IL17B: variants seen among roughly 807,000 people sequenced by gnomAD.
IL17B encodes the protein interleukin-17B.
A neutral mutation model predicts 14.7 loss-of-function variants in IL17B; 14 were observed. That is an observed-to-expected ratio of 0.95 (90% CI 0.63 to 1.49). The LOEUF is 1.49. Ranked by LOEUF, IL17B falls within the 40% of genes most tolerant of loss-of-function variation. The probability of loss-of-function intolerance (pLI) is 0.00; values close to 1 mark genes in which losing one functional copy is unlikely to be tolerated. For missense variants in IL17B, 233 were observed against 252.8 expected (o/e 0.92, Z 0.53); for synonymous variants, 105 against 94.8 (o/e 1.11, Z -0.62).
Position 149,374,597 on chromosome 5 carries a change from G to C in IL17B, c.315C>G (p.Ile105Met). The change falls in exon 3 of 3, where the codon ATC (isoleucine) becomes ATG (methionine). Residue 105 changes from isoleucine (I) to methionine (M), a missense_variant. Coordinates refer to ENST00000261796, the MANE Select transcript of IL17B (RefSeq NM_014443.3). The surrounding 1 kb of genome is among the most constrained non-coding windows in gnomAD (Gnocchi z 5.0). ...CGGGGATACGGCTGGGGTCGTGGTTGATGCTGCAGGGAGCAGAAGAAAGAG... is the reference window on the plus strand; with the variant it reads ...CGGGGATACGGCTGGGGTCGTGGTTCATGCTGCAGGGAGCAGAAGAAAGAG... ...KRSLSPWGYS[I>M]NHDPSRIPVD... 6.2e-7 allele frequency: 1 copy of C among 1,608,818 alleles called. No individual in the cohort carries two copies. The highest frequency in any genetic ancestry group is 8.5e-7 in the Non-Finnish European group (1 of 1,176,526).
Position 149,379,284 on chromosome 5 carries a change from C to A in IL17B, c.-59G>T. On this transcript the variant is annotated 5_prime_UTR_variant, in exon 1 of 3. Coordinates refer to ENST00000261796, the MANE Select transcript of IL17B (RefSeq NM_014443.3). Reference sequence around the variant, plus strand: ...GCCCGCCTGGAACCCCAGATGCCGCCGAGAGAATGGCAGCAACAGGATGGA... The same window carrying A: ...GCCCGCCTGGAACCCCAGATGCCGCAGAGAGAATGGCAGCAACAGGATGGA... 2 of 1,608,094 alleles carry A rather than the reference C, an allele frequency of 1.2e-6. No individual in the cohort carries two copies. The highest frequency in any genetic ancestry group is 1.7e-6 in the Non-Finnish European group (2 of 1,175,674).
At chr5:149,386,820 C>T (rs1465885941) in intron 1 of IL17B, among the ~76,000 whole-genome samples, 1 of 152,200 alleles carries the variant, frequency 6.6e-6, no homozygotes, top group Non-Finnish European at 1.5e-5. Context: ...ATTCTCATGC[C>T]TCAGCCTCCC....
chr5:149,400,916 C>A (rs1484325996), intron 1 of IL17B, among the ~76,000 whole-genome samples: 1 of 152,162 alleles, frequency 6.6e-6, no homozygotes, highest in Admixed American at 6.5e-5. Flanking sequence ...CCTCCTCCAC[C>A]CTTTTGTTCT....
chr5:149,390,227 T>TCCCC (rs1758912323), intron 1 of IL17B, among the ~76,000 whole-genome samples: 1 of 133,562 alleles, frequency 7.5e-6, no homozygotes. Context: ...ACCCCCCCCC[T>TCCCC]CCCTGTCCCT....
At chr5:149,402,770 G>A (rs376944789) in intron 1 of IL17B, among the ~76,000 whole-genome samples, 3 of 150,908 alleles carry the variant, frequency 2.0e-5, no homozygotes, top group Non-Finnish European at 1.5e-5. Flanking sequence ...TTGAGAGGCC[G>A]AGGCGGGCGG....
At chr5:149,399,957 G>A (rs905424739) in intron 1 of IL17B, among the ~76,000 whole-genome samples, 2 of 152,164 alleles carry the variant, frequency 1.3e-5, no homozygotes, top group Admixed American at 6.5e-5. Context: ...CAGTGGTTCT[G>A]GAGGGAGGTT....
At position 149,377,027 on chromosome 5, in the gene IL17B, T is replaced by G; in HGVS notation, c.22-2A>C. On this transcript the variant is annotated splice_acceptor_variant, in intron 1 of 2. Coordinates refer to ENST00000261796, the MANE Select transcript of IL17B (RefSeq NM_014443.3). LOFTEE classifies it high-confidence loss of function. ...GATGGAAATGGTAAGAAGAAACAGCTGGGGAGGAAAGCCACAGGTCAAAGG... is the reference window on the plus strand; with the variant it reads ...GATGGAAATGGTAAGAAGAAACAGCGGGGGAGGAAAGCCACAGGTCAAAGG... 6.5e-7 allele frequency: 1 copy of G among 1,538,500 alleles called. No homozygotes were observed. Among genetic ancestry groups the G allele is most frequent in the Non-Finnish European group, 8.7e-7 (1 of 1,148,092 alleles).
upstream of IL17B, among the ~76,000 whole-genome samples, chr5:149,379,590 C>T (rs984318328): frequency 6.6e-6 from 1 of 152,194 alleles, no homozygotes; most frequent in African/African-American, 2.4e-5. Flanking sequence ...CAATCAGCTT[C>T]GTTTGCTTAG....
intron 1 of IL17B, among the ~76,000 whole-genome samples, chr5:149,401,434 G>T (rs531005206): frequency 6.6e-6 from 1 of 152,334 alleles, no homozygotes; most frequent in African/African-American, 2.4e-5. Context: ...ACTGGGCATG[G>T]TGGCTTATGC....
intron 1 of IL17B, among the ~76,000 whole-genome samples, chr5:149,389,694 G>T (rs1413058390): frequency 1.3e-5 from 2 of 152,232 alleles, no homozygotes; most frequent in Non-Finnish European, 2.9e-5. Flanking sequence ...GAGCTGTAAA[G>T]TTAAGAGTCC....
upstream of IL17B, among the ~76,000 whole-genome samples, chr5:149,383,676 T>C (rs1011754869): frequency 6.6e-6 from 1 of 152,198 alleles, no homozygotes; most frequent in African/African-American, 2.4e-5. Flanking sequence ...GGGAACATTG[T>C]TGGTGGGAAC....
rs544927082 is a variant in IL17B at position 149,386,644 on chromosome 5, G to A, written n.96-9619C>T. On this transcript the variant is annotated intron_variant and non_coding_transcript_variant, in intron 1 of 2. Transcript: ENST00000505432. ...TGAAGGACCTTTGAGAGTTATTGAG[G>A]AGGGTTCATTCCAATTCATTTCACA... Among the ~76,000 whole-genome samples the A allele has an allele frequency of 3.9e-5, 6 of 152,300 alleles. No homozygotes were observed. The East Asian group carries it at 1.2e-3, about 29-fold the overall frequency.
At chr5:149,383,793 C>G (rs1758760336), upstream of IL17B, among the ~76,000 whole-genome samples, 1 of 152,238 alleles carries the variant, frequency 6.6e-6, no homozygotes, top group Non-Finnish European at 1.5e-5. Flanking sequence ...ACCCTCTGCC[C>G]AGGCCAGGTG....
chr5:149,387,201 G>A (rs1012266173), intron 1 of IL17B, among the ~76,000 whole-genome samples: 1 of 152,208 alleles, frequency 6.6e-6, no homozygotes, highest in African/African-American at 2.4e-5. Context: ...AAGGTACAAT[G>A]TCTCCAGAAT....
intron 1 of IL17B, among the ~76,000 whole-genome samples, chr5:149,403,499 C>A (rs1425997001): frequency 6.6e-6 from 1 of 152,184 alleles, no homozygotes; most frequent in Non-Finnish European, 1.5e-5. Flanking sequence ...CACATACCAA[C>A]TCTACCAACA....
At chr5:149,380,451 A>G (rs572286903), upstream of IL17B, among the ~76,000 whole-genome samples, 46 of 151,758 alleles carry the variant, frequency 3.0e-4, no homozygotes, top group Non-Finnish European at 5.0e-4. Context: ...TCTCCCTTCA[A>G]CCCCCTCAGG....
chr5:149,401,098 C>A (rs922641682), intron 1 of IL17B, among the ~76,000 whole-genome samples: 4 of 152,354 alleles, frequency 2.6e-5, no homozygotes, highest in African/African-American at 9.6e-5. Flanking sequence ...AATTAACCAT[C>A]ACATCACTTC....
At chr5:149,399,235 C>T (rs753392218) in intron 1 of IL17B, among the ~76,000 whole-genome samples, 3 of 152,160 alleles carry the variant, frequency 2.0e-5, no homozygotes, top group Non-Finnish European at 4.4e-5. Context: ...CGGGTGCTGT[C>T]AGGTGGGCAG....
chr5:149,394,376 C>T (rs1759049847), intron 1 of IL17B, among the ~76,000 whole-genome samples: 1 of 152,166 alleles, frequency 6.6e-6, no homozygotes, highest in Admixed American at 6.5e-5. Context: ...TATACAGTCA[C>T]CCAAAGAACC....
Sources: allele counts gnomAD v4.1 joint callset (sites outside exome capture counted in the v4.1 genomes callset), GRCh38; gene constraint gnomAD v4.1.1; non-coding constraint Gnocchi (gnomAD v3.1); transcripts MANE v1.5; gene names NCBI Gene and HGNC (gene_info 2026-07-23, HGNC 2026-07-21).